Variants in SHROOM4 observed in about 807,000 individuals in gnomAD.
SHROOM4 encodes the protein protein Shroom4.
Under a neutral mutation model 80.3 loss-of-function variants are expected in SHROOM4, and 17 were observed. The ratio of observed to expected loss-of-function variants is 0.21; its 90% CI spans 0.14 to 0.32. The LOEUF is 0.32. SHROOM4 is among the 10% of genes least tolerant of loss of function. The pLI is 1.00. For missense variants in SHROOM4, 993 were observed against 1,140.3 expected (o/e 0.87, Z 1.86); for synonymous variants, 400 against 437.5 (o/e 0.91, Z 1.07).
chrX:50,640,119 C>G (rs1931531606), intron 2 of SHROOM4, among the ~76,000 whole-genome samples: 1 of 111,881 alleles, frequency 8.9e-6, no homozygotes, highest in Non-Finnish European at 1.9e-5. Context: ...AGGTAGTTAT[C>G]CGGTCAACAA....
At chrX:50,767,630 A>C (rs1305466236) in intron 1 of SHROOM4, among the ~76,000 whole-genome samples, 1 of 111,372 alleles carries the variant, frequency 9.0e-6, no homozygotes, top group Non-Finnish European at 1.9e-5. Flanking sequence ...TTTTCTTTTT[A>C]AACTTATTAC....
intron 4 of SHROOM4, among the ~76,000 whole-genome samples, chrX:50,629,661 G>A (rs1557253738): frequency 9.0e-6 from 1 of 111,455 alleles, no homozygotes; most frequent in East Asian, 2.8e-4. Context: ...GCTGTAAAAT[G>A]GGAGATCCTA....
intron 1 of SHROOM4, among the ~76,000 whole-genome samples, chrX:50,784,336 GT>G (rs1330249104): frequency 9.0e-6 from 1 of 110,695 alleles, no homozygotes. Flanking sequence ...TTTTGTTTTT[GT>G]TTTTTTGTAG....
chrX:50,628,112 A>AG (rs1347587264), intron 4 of SHROOM4, among the ~76,000 whole-genome samples: 2 of 111,487 alleles, frequency 1.8e-5, no homozygotes, highest in African/African-American at 3.3e-5. Flanking sequence ...CTGACCCTTG[A>AG]GGGGGGCTTT....
chrX:50,690,430 G>C (rs1452269220), intron 2 of SHROOM4, among the ~76,000 whole-genome samples: 2 of 111,337 alleles, frequency 1.8e-5, no homozygotes, highest in African/African-American at 6.5e-5. Flanking sequence ...TGAATTATTA[G>C]TCATTTAATT....
rs782513106 is a variant in SHROOM4, at chrX:50,634,974, C to A, written c.1099G>T (p.Val367Phe). The A allele has an allele frequency of 7.4e-6, 9 of 1,210,538 alleles. No homozygotes were observed. The African/African-American group carries it at 1.0e-4, about 14-fold the overall frequency. ...CTGTCACAGGCTTTTGGGGATCCAA[C>A]AGCTTTGGTTGAGGCCTGCATCAGT... is the stretch of plus-strand genomic sequence containing the variant. ...HLLMQASTKA[V>F]GSPKACDRAS... is the part of the protein sequence containing the mutation. The change falls in exon 4 of 9, where the codon GTT becomes TTT. Residue 367 changes from valine to phenylalanine, a missense_variant. Transcript: ENST00000376020.
chrX:50,709,358 A>G (rs1933754765), intron 1 of SHROOM4, among the ~76,000 whole-genome samples: 1 of 112,272 alleles, frequency 8.9e-6, no homozygotes, highest in Non-Finnish European at 1.9e-5. Context: ...CCAAAAGCAG[A>G]ACATGGTCTG....
chrX:50,652,506 T>G (rs1395846335), intron 2 of SHROOM4, among the ~76,000 whole-genome samples: 1 of 112,068 alleles, frequency 8.9e-6, no homozygotes, highest in East Asian at 2.8e-4. Flanking sequence ...AAAAATTTTC[T>G]TCCATTCTGT....
intron 5 of SHROOM4, among the ~76,000 whole-genome samples, chrX:50,615,344 TTC>T (rs1393861279): frequency 9.0e-6 from 1 of 111,323 alleles, no homozygotes; most frequent in Non-Finnish European, 1.9e-5. Context: ...GCTCTTTATC[TTC>T]TCTTTCCGCC....
intron 1 of SHROOM4, among the ~76,000 whole-genome samples, chrX:50,709,529 T>C (rs1933757963): frequency 8.9e-6 from 1 of 112,013 alleles, no homozygotes; most frequent in Non-Finnish European, 1.9e-5. Flanking sequence ...GGGCCTAGAT[T>C]CTTTCCCTGT....
At chrX:50,802,338 A>C (rs782820703) in intron 1 of SHROOM4, among the ~76,000 whole-genome samples, 24 of 112,069 alleles carry the variant, frequency 2.1e-4, no homozygotes, top group African/African-American at 7.8e-4. Flanking sequence ...AGTGGCTTTA[A>C]ATAAACATGC....
In SHROOM4 at chrX:50,635,256, G is replaced by A. The variant is rs781920674; in HGVS notation, c.817C>T (p.Pro273Ser). The change falls in exon 4 of 9, where the codon CCA becomes TCA. Residue 273 changes from proline (P) to serine (S), a missense_variant. By Grantham distance (74) the Pro-to-Ser change is moderately conservative. Transcript: ENST00000376020. ...TCCCGCCTCACTGGAGGTTGTGGTG[G>A]GCCCCTGACTGCTTTGGCGGGCCCT... ...QSGPAKAVRG[P>S]PQPPVRRDSL... is the part of the protein sequence containing the mutation. 1 of 1,202,896 alleles carries A rather than the reference G, an allele frequency of 8.3e-7. No homozygotes were observed. Among genetic ancestry groups the A allele is most frequent in the East Asian group, 3.0e-5 (1 of 33,499 alleles).
At chrX:50,651,770 C>T (rs1358772264) in intron 2 of SHROOM4, among the ~76,000 whole-genome samples, 2 of 103,745 alleles carry the variant, frequency 1.9e-5, no homozygotes, top group Non-Finnish European at 2.0e-5. Flanking sequence ...GTGTGACATT[C>T]CCCTCCCAGT....
At chrX:50,656,961 G>C (rs1557259517) in intron 2 of SHROOM4, among the ~76,000 whole-genome samples, 1 of 109,957 alleles carries the variant, frequency 9.1e-6, no homozygotes, top group East Asian at 2.8e-4. Flanking sequence ...ATAGTTTTTA[G>C]TATACAGATT....
At chrX:50,729,583 T>C (rs185736156) in intron 1 of SHROOM4, among the ~76,000 whole-genome samples, 43 of 110,601 alleles carry the variant, frequency 3.9e-4, no homozygotes, top group Non-Finnish European at 7.4e-4. Context: ...ATTAGAAAAA[T>C]AATGACAATA....
rs371848375 is a variant in SHROOM4 at position 50,602,590 on chromosome X, A to G, written c.3942+43T>C. ...GCTGGTCATCCTCCAGATACATTCA[A>G]GCTAAATTCTGAAAATCTCTAGGAC... On this transcript the variant is annotated intron_variant, in intron 7 of 8. Coordinates refer to ENST00000376020, the MANE Select transcript of SHROOM4 (RefSeq NM_020717.5). The G allele has an allele frequency of 4.3e-6, 5 of 1,174,513 alleles. No individual in the cohort carries two copies. In the African/African-American group the frequency reaches 7.1e-5, roughly 17 times the overall value.
Position 50,622,787 on chromosome X carries a change from T to G in SHROOM4, c.2957+4827A>C, listed in dbSNP as rs1812607411. 9.8e-5 allele frequency among the ~76,000 whole-genome samples: 11 copies of G among 112,489 alleles called. 1 individual carries two copies. In the Admixed American group the frequency reaches 1.0e-3, roughly 11 times the overall value. On this transcript the variant is annotated intron_variant, in intron 5 of 8. Transcript: ENST00000376020. Reference sequence around the variant, plus strand: ...ATCTCCTAGTCCTTCTCATGTTTCCTGAGACCTTTAATTGGGACCTGCCTC... The same window carrying G: ...ATCTCCTAGTCCTTCTCATGTTTCCGGAGACCTTTAATTGGGACCTGCCTC...
At chrX:50,733,136 A>G (rs184892120) in intron 1 of SHROOM4, among the ~76,000 whole-genome samples, 2 of 112,173 alleles carry the variant, frequency 1.8e-5, no homozygotes, top group South Asian at 3.7e-4. Context: ...GTAATACATC[A>G]TATCAATAGA....
intron 1 of SHROOM4, among the ~76,000 whole-genome samples, chrX:50,737,105 G>A (rs1410199895): frequency 2.7e-5 from 3 of 111,277 alleles, no homozygotes; most frequent in Non-Finnish European, 5.7e-5. Flanking sequence ...CTATATAAAA[G>A]TAAATGTAAA....
Sources: gnomAD v4.1 joint callset for allele counts (sites outside exome capture counted in the v4.1 genomes callset) on GRCh38, gnomAD v4.1.1 for gene constraint, MANE v1.5 for transcripts, NCBI Gene and HGNC (gene_info 2026-07-23, HGNC 2026-07-21) for gene names.